Variants in SYT2 observed in about 807,000 individuals in gnomAD.
SYT2 encodes the protein synaptotagmin-2.
A neutral mutation model predicts 39.9 loss-of-function variants in SYT2; 15 were observed. The ratio of observed to expected loss-of-function variants is 0.38; its 90% CI spans 0.25 to 0.58. The LOEUF (loss-of-function observed/expected upper bound fraction) is 0.58. Among genes scored for constraint, SYT2 ranks in the 20% least tolerant of loss-of-function variants. The probability of loss-of-function intolerance (pLI) is 0.70; values close to 1 mark genes in which losing one functional copy is unlikely to be tolerated. For missense variants in SYT2, 389 were observed against 530.3 expected (o/e 0.73, Z 2.62); for synonymous variants, 181 against 204.5 (o/e 0.89, Z 0.98).
intron 1 of SYT2, among the ~76,000 whole-genome samples, chr1:202,608,187 G>A (rs1690769509): frequency 6.6e-6 from 1 of 151,952 alleles, no homozygotes; most frequent in Non-Finnish European, 1.5e-5. Context: ...CTTTCATTTA[G>A]TATGATGTTT....
chr1:202,639,769 G>A (rs1214608026), intron 1 of SYT2: 2 of 985,354 alleles, frequency 2.0e-6, no homozygotes, highest in Non-Finnish European at 2.4e-6. Context: ...GAAGACTAGA[G>A]CATGCAAACT....
chr1:202,660,041 C>T (rs1558452294), intron 1 of SYT2, among the ~76,000 whole-genome samples: 1 of 152,162 alleles, frequency 6.6e-6, no homozygotes, highest in Non-Finnish European at 1.5e-5. Context: ...CCCTCTGCTT[C>T]GTGTATTTCC....
chr1:202,684,594 C>T (rs1379391706), intron 1 of SYT2, among the ~76,000 whole-genome samples: 1 of 152,172 alleles, frequency 6.6e-6, no homozygotes, highest in Non-Finnish European at 1.5e-5. Context: ...CTGCCATGAA[C>T]ATGGGGGTGC....
chr1:202,698,780 C>T (rs1483008293), intron 1 of SYT2, among the ~76,000 whole-genome samples: 3 of 152,150 alleles, frequency 2.0e-5, no homozygotes, highest in Non-Finnish European at 4.4e-5. Context: ...CTTCCTCACT[C>T]TTAGGGGTCA....
intron 2 of SYT2, 192 bp downstream of exon 2, chr1:202,605,403 C>T (rs1303024920): frequency 4.1e-6 from 2 of 491,128 alleles, no homozygotes; most frequent in Non-Finnish European, 7.3e-6. Flanking sequence ...CATAAACCCC[C>T]TTGTTTGCCA....
chr1:202,634,408 T>C (rs1168795596), intron 1 of SYT2, among the ~76,000 whole-genome samples: 2 of 152,016 alleles, frequency 1.3e-5, no homozygotes, highest in East Asian at 1.9e-4. Flanking sequence ...TCCCAGCTAC[T>C]TGGGAGGCTG....
intron 1 of SYT2, among the ~76,000 whole-genome samples, chr1:202,695,735 G>A (rs1653958007): frequency 1.3e-5 from 2 of 152,196 alleles, no homozygotes; most frequent in African/African-American, 4.8e-5. Flanking sequence ...ACTTGTCTGA[G>A]GAAGAGACCT....
At chr1:202,640,798 CAGACAGAG>C (rs1377198677) in intron 1 of SYT2, among the ~76,000 whole-genome samples, 13 of 93,688 alleles carry the variant, frequency 1.4e-4, no homozygotes, top group South Asian at 3.5e-4. Context: ...GAGAGACAGA[CAGACAGAG>C]AGACAGAGAG....
At chr1:202,625,851 G>C (rs1691389055) in intron 1 of SYT2, among the ~76,000 whole-genome samples, 1 of 152,298 alleles carries the variant, frequency 6.6e-6, no homozygotes, top group Middle Eastern at 3.4e-3. Context: ...CACCGGGGAG[G>C]GGGTCCTGTC....
chr1:202,703,418 G>C (rs1654172012), intron 1 of SYT2, among the ~76,000 whole-genome samples: 1 of 152,256 alleles, frequency 6.6e-6, no homozygotes, highest in Admixed American at 6.5e-5. Flanking sequence ...AGGAACAAGT[G>C]GGGAGGGAGA....
chr1:202,683,154 A>C (rs1653567771), intron 1 of SYT2, among the ~76,000 whole-genome samples: 1 of 152,184 alleles, frequency 6.6e-6, no homozygotes, highest in African/African-American at 2.4e-5. Flanking sequence ...AGTTGGCAAA[A>C]GCATTTTGGA....
rs549874546 is a variant in SYT2, at chr1:202,666,107, C to G, written c.-18+44151G>C. Among the ~76,000 whole-genome samples, 747 of 145,060 alleles carry G rather than the reference C, an allele frequency of 5.1e-3. 8 individuals carry two copies. Among genetic ancestry groups the G allele is most frequent in the African/African-American group, 0.018 (714 of 39,200 alleles). On this transcript the variant is annotated intron_variant, in intron 1 of 8. Transcript: ENST00000367268. ...GGCGGAGCTTGCAGTGAGCCGAGAT[C>G]GTGCCACTGCACTCCAGCCTGGGCG...
In SYT2 at chr1:202,599,068, GC is replaced by G; in HGVS notation, c.1053+149del. ...GATCCCTGAAGCACTTGGGAAGGAG[GC>G]CCCACCCAGGCACCATTAGACCTCG... On this transcript the variant is annotated intron_variant, in intron 8 of 8. Transcript: ENST00000367268. This position sits in a 1 kb window ranked among gnomAD's most constrained non-coding sequence, Gnocchi z 4.4. 9 of 1,026,394 alleles carry G rather than the reference GC, an allele frequency of 8.8e-6. No homozygotes were observed. In the South Asian group the frequency reaches 1.1e-4, roughly 13 times the overall value. 63.6% of individuals were successfully genotyped at this position (1,026,394 alleles called of 1,614,324 possible). A position where few individuals can be genotyped will look rare whatever the true frequency, so the allele number is the denominator to read the frequency against.
chr1:202,652,002 G>A (rs1257507978), intron 1 of SYT2, among the ~76,000 whole-genome samples: 1 of 152,240 alleles, frequency 6.6e-6, no homozygotes, highest in African/African-American at 2.4e-5. Context: ...AGGTTGCAGT[G>A]AGCCGAGATC....
rs59944538 is a variant in SYT2, at chr1:202,604,818, C to CT, written c.179-198dup. ...TGCATGCCTTTTCAATCATGCCTTG[C>CT]TTTTTTTTTTTTTTTTTTTTTTTTT... is the stretch of plus-strand genomic sequence containing the variant. On this transcript the variant is annotated intron_variant, in intron 2 of 8. Coordinates refer to ENST00000367268, the MANE Select transcript of SYT2 (RefSeq NM_177402.5). Among the ~76,000 whole-genome samples the CT allele has an allele frequency of 5.5e-3, 397 of 71,666 alleles. 23 individuals are homozygous for CT. The highest frequency in any genetic ancestry group is 0.02 in the African/African-American group (370 of 18,390). The allele number at this position is 71,666 out of a possible 152,430, so 47.0% of individuals were successfully genotyped here.
rs540184216 is a variant in SYT2 at position 202,619,668 on chromosome 1, C to A, written c.-17-13879G>T. On this transcript the variant is annotated intron_variant, in intron 1 of 8. Transcript: ENST00000367268. ...CCTCTGATGCAGGTGATCTGGGCAC[C>A]ACACTTTGAAAAAATGAGGTTCTAA... is the stretch of plus-strand genomic sequence containing the variant. Among the ~76,000 whole-genome samples the A allele has an allele frequency of 2.0e-5, 3 of 152,268 alleles. No individual in the cohort carries two copies. In the East Asian group the frequency reaches 5.8e-4, roughly 29 times the overall value.
At chr1:202,671,361 T>A (rs976750966) in intron 1 of SYT2, among the ~76,000 whole-genome samples, 12 of 152,166 alleles carry the variant, frequency 7.9e-5, no homozygotes, top group Admixed American at 2.6e-4. Context: ...CAGCCAACTG[T>A]GCATGGGCCA....
At chr1:202,681,740 C>T (rs1171754841) in intron 1 of SYT2, among the ~76,000 whole-genome samples, 1 of 152,190 alleles carries the variant, frequency 6.6e-6, no homozygotes, top group African/African-American at 2.4e-5. Flanking sequence ...CAAGCATCCC[C>T]ACTCCCCTGC....
chr1:202,616,837 G>A (rs1572627255), intron 1 of SYT2, among the ~76,000 whole-genome samples: 3 of 152,268 alleles, frequency 2.0e-5, no homozygotes, highest in Middle Eastern at 3.4e-3. Flanking sequence ...AGGCATCAGT[G>A]CCATCCTCTT....
Sources: gnomAD v4.1 joint callset for allele counts (sites outside exome capture counted in the v4.1 genomes callset) on GRCh38, gnomAD v4.1.1 for gene constraint, Gnocchi (gnomAD v3.1) non-coding constraint, MANE v1.5 for transcripts, NCBI Gene and HGNC (gene_info 2026-07-23, HGNC 2026-07-21) for gene names.